Variants in HEATR5B observed in about 807,000 individuals in gnomAD.
HEATR5B encodes HEAT repeat-containing protein 5B.
A neutral mutation model predicts 224.1 loss-of-function variants in HEATR5B; 156 were observed. The ratio of observed to expected loss-of-function variants is 0.70; its 90% CI spans 0.61 to 0.80. The LOEUF (loss-of-function observed/expected upper bound fraction) is 0.80, where lower values mean the gene tolerates loss of function less well. Among genes scored for constraint, HEATR5B ranks in the 30% least tolerant of loss-of-function variants. The pLI is 0.00. For missense variants in HEATR5B, 2,323 were observed against 2,535.5 expected, an observed-to-expected ratio of 0.92 and a Z score of 1.80; for synonymous variants, 1,027 against 893.0, an observed-to-expected ratio of 1.15 and a Z score of -2.68.
In HEATR5B at chr2:37,028,900, C is replaced by T; in HGVS notation, c.3382G>A (p.Gly1128Arg). The T allele has an allele frequency of 6.2e-7, 1 of 1,613,964 alleles. No individual in the cohort carries two copies. Among genetic ancestry groups the T allele is most frequent in the Non-Finnish European group, 8.5e-7 (1 of 1,179,904 alleles). The change falls in exon 23 of 36, where the codon GGG becomes AGG. Residue 1128 changes from glycine to arginine, a missense_variant. By Grantham distance (125) the Gly-to-Arg change is moderately radical. Around this residue, in one of 12 missense-constraint regions of HEATR5B, gnomAD observed 339 missense variants for 378.4 expected, o/e 0.90. Coordinates refer to ENST00000233099, the MANE Select transcript of HEATR5B (RefSeq NM_019024.3). The stretch of plus-strand genomic sequence containing the variant: ...TGGATATCAGTTCGAGAACTAACCC[C>T]AGGGGCAAAAGGACTGACATCTGAA... ...SSANVSPFAP[G>R]VSSRTDIHCR...
At chr2:37,031,995 A>C (rs1045489221) in intron 22 of HEATR5B, among the ~76,000 whole-genome samples, 2 of 152,018 alleles carry the variant, frequency 1.3e-5, no homozygotes, top group African/African-American at 2.4e-5. Context: ...AAGCAGAAAG[A>C]ACTAAAGGAA....
chr2:37,034,103 T>C (rs1185504010), intron 21 of HEATR5B, among the ~76,000 whole-genome samples: 1 of 151,786 alleles, frequency 6.6e-6, no homozygotes, highest in Non-Finnish European at 1.5e-5. Context: ...TATACTTGCA[T>C]AAAATTCATA....
At chr2:37,053,698 T>TGCTA in intron 16 of HEATR5B, 91 bp from the exon 17 acceptor site, 1 of 630,500 alleles carries the variant, frequency 1.6e-6, no homozygotes, top group Non-Finnish European at 2.7e-6. Context: ...GTTAATTGTT[T>TGCTA]AGCAAATAAT....
At chr2:36,992,089 T>G (rs1480605796) in intron 33 of HEATR5B, among the ~76,000 whole-genome samples, 1 of 152,036 alleles carries the variant, frequency 6.6e-6, no homozygotes, top group Non-Finnish European at 1.5e-5. Flanking sequence ...TCCCAGCTAT[T>G]TGGGAGGCTG....
intron 18 of HEATR5B, among the ~76,000 whole-genome samples, chr2:37,043,495 A>G (rs1334523238): frequency 6.6e-6 from 1 of 152,246 alleles, no homozygotes; most frequent in Non-Finnish European, 1.5e-5. Context: ...AAGCTTCACT[A>G]GAGAGTTCTT....
intron 27 of HEATR5B, among the ~76,000 whole-genome samples, chr2:37,011,248 A>C (rs1416124608): frequency 6.6e-6 from 1 of 152,188 alleles, no homozygotes; most frequent in Admixed American, 6.5e-5. Flanking sequence ...ATAGGCAGAG[A>C]TGGAAAGGGA....
In HEATR5B at chr2:36,990,868, T is replaced by TAG. The variant is rs1170461403; in HGVS notation, c.5546-71_5546-70dup. Reference sequence around the variant, plus strand: ...TTGGCATTTTATTTTTTTATTTTTGTAGAGAGAGACGTTGTCTTGCCATGT... The same window carrying TAG: ...TTGGCATTTTATTTTTTTATTTTTGTAGAGAGAGAGACGTTGTCTTGCCATGT... On this transcript the variant is annotated intron_variant, in intron 33 of 35. Transcript: ENST00000233099. 4.5e-6 allele frequency: 6 copies of TAG among 1,324,014 alleles called. 1 individual carries two copies. The highest frequency in any genetic ancestry group is 4.8e-5 in the Admixed American group (2 of 41,850). The allele number at this position is 1,324,014 out of a possible 1,614,324, so 82.0% of individuals were successfully genotyped here. A position where few individuals can be genotyped will look rare whatever the true frequency, so the allele number is the denominator to read the frequency against.
intron 7 of HEATR5B, among the ~76,000 whole-genome samples, chr2:37,069,928 C>T (rs1054199423): frequency 7.9e-5 from 11 of 140,022 alleles, no homozygotes; most frequent in South Asian, 4.4e-4. Flanking sequence ...GATGGAGTCT[C>T]GCTCTGTCAC....
chr2:37,070,764 A>C (rs938174010), intron 6 of HEATR5B, among the ~76,000 whole-genome samples: 2 of 152,224 alleles, frequency 1.3e-5, no homozygotes, highest in African/African-American at 4.8e-5. Flanking sequence ...CTTTCTATAC[A>C]GTAGTTACCA....
intron 16 of HEATR5B, 116 bp from the exon 17 acceptor site, chr2:37,053,723 C>A (rs1670705953): frequency 1.7e-6 from 1 of 573,022 alleles, no homozygotes; most frequent in East Asian, 2.9e-5. Flanking sequence ...CATGCTATCT[C>A]TTTTCTATTT....
intron 22 of HEATR5B, among the ~76,000 whole-genome samples, chr2:37,029,700 G>A (rs182748722): frequency 6.6e-6 from 1 of 151,660 alleles, no homozygotes; most frequent in African/African-American, 2.4e-5. Context: ...CAGCACATTG[G>A]GGGGCTGAGG....
chr2:37,020,809 TC>T lies in HEATR5B; in HGVS notation c.3880del (p.Asp1294ThrfsTer44). 1 of 1,573,838 alleles carries T rather than the reference TC, an allele frequency of 6.4e-7. No individual in the cohort carries two copies. Among genetic ancestry groups the T allele is most frequent in the South Asian group, 1.2e-5 (1 of 83,806 alleles). On this transcript the variant is annotated frameshift_variant, in exon 25 of 36. Transcript: ENST00000233099. LOFTEE classifies it high-confidence loss of function. ...TNDLLVLHLS[D>X]LIRMAFMAAT... The stretch of plus-strand genomic sequence containing the variant: ...AGCCATGAATGCCATGCGAATGAGG[TC>T]AGAGAGATGAAGTACCAAGAGGTCA...
At chr2:37,018,600 G>C (rs868696811) in intron 26 of HEATR5B, among the ~76,000 whole-genome samples, 11 of 152,188 alleles carry the variant, frequency 7.2e-5, no homozygotes, top group South Asian at 2.1e-4. Flanking sequence ...TTCAGCTACA[G>C]AGAGGATAAA....
chr2:37,082,853 C>A (rs1333423681), intron 2 of HEATR5B, among the ~76,000 whole-genome samples: 1 of 152,020 alleles, frequency 6.6e-6, no homozygotes, highest in Non-Finnish European at 1.5e-5. Flanking sequence ...TCCTCTAGCG[C>A]CGCTAGGTTA....
intron 33 of HEATR5B, among the ~76,000 whole-genome samples, chr2:36,995,251 C>T (rs543654941): frequency 2.6e-5 from 4 of 151,558 alleles, no homozygotes; most frequent in Non-Finnish European, 5.9e-5. Flanking sequence ...CACCACACCC[C>T]GCTAAATTTT....
intron 25 of HEATR5B, among the ~76,000 whole-genome samples, chr2:37,020,250 C>T (rs1668385118): frequency 6.6e-6 from 1 of 152,144 alleles, no homozygotes; most frequent in African/African-American, 2.4e-5. Context: ...ATTTATCCTT[C>T]ATTATACAAG....
chr2:37,025,812 T>C (rs1202354867), intron 24 of HEATR5B, among the ~76,000 whole-genome samples: 2 of 152,232 alleles, frequency 1.3e-5, no homozygotes, highest in African/African-American at 4.8e-5. Flanking sequence ...TGCACACTTA[T>C]GATTCCTTGG....
intron 16 of HEATR5B, among the ~76,000 whole-genome samples, chr2:37,056,081 T>C (rs1032841933): frequency 6.6e-6 from 1 of 152,180 alleles, no homozygotes; most frequent in African/African-American, 2.4e-5. Flanking sequence ...ATTTAAGATA[T>C]AGTCAAAACC....
chr2:37,028,862 T>A lies in HEATR5B; in HGVS notation c.3420A>T (p.Gln1140His). ...GACCAGTTTCTGTTATATTAACACC[T>A]TGGTGCCGGCAATGGATATCAGTTC... ...SSRTDIHCRH[Q>H]GVNITETGLE... is the part of the protein sequence containing the mutation. The change falls in exon 23 of 36, where the codon CAA (glutamine) becomes CAT (histidine). Residue 1140 changes from glutamine to histidine, a missense_variant. Coordinates refer to ENST00000233099, the MANE Select transcript of HEATR5B (RefSeq NM_019024.3). 5.6e-6 allele frequency: 9 copies of A among 1,613,988 alleles called. No individual in the cohort carries two copies. The highest frequency in any genetic ancestry group is 7.6e-6 in the Non-Finnish European group (9 of 1,179,854).
Sources: allele counts gnomAD v4.1 joint callset (sites outside exome capture counted in the v4.1 genomes callset), GRCh38; gene constraint gnomAD v4.1.1; regional missense constraint gnomAD v4.1.1; transcripts MANE v1.5; gene names NCBI Gene and HGNC (gene_info 2026-07-23, HGNC 2026-07-21).